The following EPN3 variants were observed in gnomAD, a reference collection of about 807,000 sequenced individuals.
EPN3 encodes epsin 3.
In EPN3, 56 loss-of-function variants were observed where a neutral mutation model predicts 55.5. The observed-to-expected ratio is 1.01, with a 90% confidence interval of 0.81 to 1.26. The LOEUF (loss-of-function observed/expected upper bound fraction) is 1.26. Ranked by LOEUF, EPN3 falls within the 50% of genes most tolerant of loss-of-function variation. The probability of loss-of-function intolerance (pLI) is 0.00; values close to 1 mark genes in which losing one functional copy is unlikely to be tolerated. For synonymous variants in EPN3, 449 were observed against 375.2 expected (o/e 1.20, Z -2.27); for missense variants, 927 against 853.4 (o/e 1.09, Z -1.07).
At chr17:50,539,128 G>C in intron 4 of EPN3, 59 bp from the exon 5 acceptor site, 2 of 1,604,552 alleles carry the variant, frequency 1.2e-6, no homozygotes, top group Non-Finnish European at 1.7e-6. Context: ...CTGGTGCACA[G>C]GTCCCCGGAT....
rs4794159 is a variant in EPN3, at chr17:50,541,888, C to A, written c.1630C>A (p.Pro544Thr). Residue 544 changes from proline (P) to threonine (T), a missense_variant, in exon 10 of 10, where the codon CCG becomes ACG. By Grantham distance (38) the Pro-to-Thr change is conservative. Transcript: ENST00000268933. The part of the protein sequence containing the change: ...SPTNPFGAGE[P>T]GRPTLNQMRT... Reference sequence around the variant, plus strand: ...CACCAACCCGTTCGGCGCGGGCGAGCCGGGCAGGCCGACGCTAAACCAGAT... The same window carrying A: ...CACCAACCCGTTCGGCGCGGGCGAGACGGGCAGGCCGACGCTAAACCAGAT... The A allele has an allele frequency of 0.44, 707,662 of 1,606,230 alleles. 161,518 individuals carry two copies. Among genetic ancestry groups the A allele is most frequent in the Middle Eastern group, 0.56 (3,423 of 6,060 alleles).
intron 5 of EPN3, among the ~76,000 whole-genome samples, chr17:50,539,516 G>A (rs568373504): frequency 3.3e-5 from 5 of 152,200 alleles, no homozygotes; most frequent in South Asian, 2.1e-4. Flanking sequence ...GATGCAAAAG[G>A]TTCCTGATTG....
intron 3 of EPN3, chr17:50,538,617 G>T: frequency 2.3e-6 from 1 of 437,114 alleles, no homozygotes. Context: ...AGACCAGGCA[G>T]GAAGCAGCTG....
rs753340275 is a variant in EPN3 at position 50,540,230 on chromosome 17, G to C, written c.892-17G>C. On this transcript the variant is annotated splice_polypyrimidine_tract_variant and intron_variant, in intron 5 of 9. Coordinates refer to ENST00000268933, the MANE Select transcript of EPN3 (RefSeq NM_017957.3). ...CCCCGCCCACTTCTGAGCCGCGGCT[G>C]CCTCTCCCCTCCACAGTCCTCCATC... The C allele has an allele frequency of 1.2e-6, 2 of 1,609,194 alleles. No homozygotes were observed. Among genetic ancestry groups the C allele is most frequent in the East Asian group, 2.2e-5 (1 of 44,838 alleles).
chr17:50,538,893 C>T lies in EPN3; in HGVS notation c.691C>T (p.Pro231Ser). 1.9e-6 allele frequency: 3 copies of T among 1,605,476 alleles called. No individual in the cohort carries two copies. The highest frequency in any genetic ancestry group is 2.6e-6 in the Non-Finnish European group (3 of 1,174,842). Reference sequence around the variant, plus strand: ...CTCTCTTCCTCCGCAGCCTGTCCCCCCAGCCTCCCACAGGGACGAGGACCT... The same window carrying T: ...CTCTCTTCCTCCGCAGCCTGTCCCCTCAGCCTCCCACAGGGACGAGGACCT... The part of the protein sequence containing the change: ...SREEAEKPVP[P>S]ASHRDEDLQL... The change falls in exon 4 of 10, where the codon CCA becomes TCA. Residue 231 changes from proline to serine, a missense_variant. By Grantham distance (74) the Pro-to-Ser change is moderately conservative (BLOSUM62 -1). Coordinates refer to ENST00000268933, the MANE Select transcript of EPN3 (RefSeq NM_017957.3).
chr17:50,540,150 T>TA lies in EPN3; in HGVS notation c.892-94dup, dbSNP rs1048166810. 70 of 867,242 alleles carry TA rather than the reference T, an allele frequency of 8.1e-5. 1 individual carries two copies. The African/African-American group carries it at 1.1e-3, about 14-fold the overall frequency. 53.7% of individuals were successfully genotyped at this position (867,242 alleles called of 1,614,324 possible). A position where few individuals can be genotyped will look rare whatever the true frequency, so the allele number is the denominator to read the frequency against. ...CATGAATAGGTATCTGTGGAATGAA[T>TA]AAAGAGAATGAACTGGCATTAGCCT... On this transcript the variant is annotated intron_variant, in intron 5 of 9. Coordinates refer to ENST00000268933, the MANE Select transcript of EPN3 (RefSeq NM_017957.3).
At position 50,541,852 on chromosome 17, in the gene EPN3, G is replaced by A. The variant is rs1444969173; in HGVS notation, c.1594G>A (p.Ala532Thr). 6.2e-7 allele frequency: 1 copy of A among 1,609,964 alleles called. No individual in the cohort carries two copies. Among genetic ancestry groups the A allele is most frequent in the Non-Finnish European group, 8.5e-7 (1 of 1,180,000 alleles). ...CCACTCTCGTTCTGCAGGTCTCAGC[G>A]CTCCGTCCCCCACCAACCCGTTCGG... ...TRNPFLTGLSAPSPTNPFGAG... is the reference protein window; with the variant it reads ...TRNPFLTGLSTPSPTNPFGAG... The change falls in exon 10 of 10, where the codon GCT (alanine) becomes ACT (threonine). Residue 532 changes from alanine (A) to threonine (T), a missense_variant. Ala to Thr is a moderately conservative substitution (Grantham distance 58). Transcript: ENST00000268933.
chr17:50,542,051 T>G lies in EPN3; in HGVS notation c.1793T>G (p.Val598Gly), dbSNP rs2034857308. ...AGLTLPASVS[V>G]FPQAGAFAPQ... is the part of the protein sequence containing the mutation. Reference sequence around the variant, plus strand: ...TTGACCCTCCCCGCCTCGGTTAGCGTCTTCCCGCAGGCCGGAGCCTTCGCA... The same window carrying G: ...TTGACCCTCCCCGCCTCGGTTAGCGGCTTCCCGCAGGCCGGAGCCTTCGCA... The change falls in exon 10 of 10, where the codon GTC becomes GGC. Residue 598 changes from valine to glycine, a missense_variant. By Grantham distance (109) the Val-to-Gly change is moderately radical (BLOSUM62 -3). Transcript: ENST00000268933. 6.3e-7 allele frequency: 1 copy of G among 1,593,856 alleles called. No individual in the cohort carries two copies. Among genetic ancestry groups the G allele is most frequent in the East Asian group, 2.3e-5 (1 of 44,308 alleles).
At chr17:50,535,357 C>G (rs369475704) in intron 1 of EPN3, among the ~76,000 whole-genome samples, 1 of 152,212 alleles carries the variant, frequency 6.6e-6, no homozygotes, top group African/African-American at 2.4e-5. Flanking sequence ...CTGCCACTTA[C>G]GTGCCATATG....
At chr17:50,539,342 A>T (rs1185369973) in intron 5 of EPN3, 27 bp downstream of exon 5, 3 of 1,613,420 alleles carry the variant, frequency 1.9e-6, no homozygotes, top group Admixed American at 1.7e-5. Flanking sequence ...GGTGCTTGGG[A>T]TGGACAGGGC....
At chr17:50,540,726 CT>C in intron 6 of EPN3, 66 bp from the exon 7 acceptor site, 2 of 1,512,638 alleles carry the variant, frequency 1.3e-6, no homozygotes, top group South Asian at 2.7e-5. Flanking sequence ...GGCTGGGTAA[CT>C]GGGAAGGGCC....
chr17:50,535,878 T>G (rs1444874668), intron 1 of EPN3: 2 of 152,284 alleles, frequency 1.3e-5, no homozygotes, highest in African/African-American at 4.8e-5. Flanking sequence ...ACAGAGGCAG[T>G]GGCCGAGCAG....
intron 1 of EPN3, 58 bp from the exon 2 acceptor site, chr17:50,536,353 TTGGTCAGTGG>T (rs2034760202): frequency 1.5e-6 from 2 of 1,331,076 alleles, no homozygotes; most frequent in African/African-American, 3.0e-5. Flanking sequence ...CCTCATTTAG[TTGGTCAGTGG>T]CTGAGTGACC....
rs972940842 is a variant in EPN3, at chr17:50,542,567, C to T, written c.*410C>T. On this transcript the variant is annotated 3_prime_UTR_variant, in exon 10 of 10. Transcript: ENST00000268933. ...TTCCAGATGCTGCCAGGCTGTCACT[C>T]AATTCGGTCATTTCATTCATTTATC... 1.5e-5 allele frequency: 3 copies of T among 202,622 alleles called. No individual in the cohort carries two copies. Among genetic ancestry groups the T allele is most frequent in the African/African-American group, 7.1e-5 (3 of 42,402 alleles). The allele number at this position is 202,622 out of a possible 1,614,324, so 12.6% of individuals were successfully genotyped here.
In EPN3 at chr17:50,543,440, C is replaced by G. The variant is rs2034874493; in HGVS notation, c.*1283C>G. Reference sequence around the variant, plus strand: ...TCCCTGATCACTGGACCACTGGACACTGATGTGTCCTCAGTGCTTGGGGTC... The same window carrying G: ...TCCCTGATCACTGGACCACTGGACAGTGATGTGTCCTCAGTGCTTGGGGTC... On this transcript the variant is annotated 3_prime_UTR_variant, in exon 10 of 10. Transcript: ENST00000268933. 6.6e-6 allele frequency: 1 copy of G among 152,296 alleles called. No homozygotes were observed. The highest frequency in any genetic ancestry group is 1.5e-5 in the Non-Finnish European group (1 of 68,072). The allele number at this position is 152,296 out of a possible 1,614,324, so 9.4% of individuals were successfully genotyped here. A position where few individuals can be genotyped will look rare whatever the true frequency, so the allele number is the denominator to read the frequency against.
rs2034727459 is a variant in EPN3 at position 50,534,358 on chromosome 17, A to G, written c.-137+1373A>G. 3.1e-6 allele frequency: 3 copies of G among 967,456 alleles called. No individual in the cohort carries two copies. In the African/African-American group the frequency reaches 5.3e-5, roughly 17 times the overall value. 59.9% of individuals were successfully genotyped at this position (967,456 alleles called of 1,614,324 possible). On this transcript the variant is annotated intron_variant, in intron 1 of 9. Coordinates refer to ENST00000268933, the MANE Select transcript of EPN3 (RefSeq NM_017957.3). ...TCCCCTCCCAGAGGCTGGTGCCCCCACACAGGCCAGGCCGGAGGGCCAGGG... is the reference window on the plus strand; with the variant it reads ...TCCCCTCCCAGAGGCTGGTGCCCCCGCACAGGCCAGGCCGGAGGGCCAGGG...
rs765356580 is a variant in EPN3, at chr17:50,536,466, C to T, written c.-91C>T. On this transcript the variant is annotated 5_prime_UTR_variant, in exon 2 of 10. Coordinates refer to ENST00000268933, the MANE Select transcript of EPN3 (RefSeq NM_017957.3). The stretch of plus-strand genomic sequence containing the variant: ...TGCAGCTGCTCTGCTAACACGGCAG[C>T]CCATCCTTCAAGACTGTGACCTCGC... The T allele has an allele frequency of 6.3e-6, 10 of 1,578,822 alleles. No homozygotes were observed. The highest frequency in any genetic ancestry group is 8.5e-6 in the Non-Finnish European group (10 of 1,170,416).
At chr17:50,534,645 G>C (rs198531) in intron 1 of EPN3, 15 of 985,330 alleles carry the variant, frequency 1.5e-5, no homozygotes, top group Non-Finnish European at 1.8e-5. Context: ...AGAGATAGCA[G>C]ACAAAAGGTA....
intron 5 of EPN3, 35 bp downstream of exon 5, chr17:50,539,350 G>A (rs928453136): frequency 1.9e-6 from 3 of 1,612,678 alleles, no homozygotes; most frequent in African/African-American, 2.7e-5. Context: ...GGATGGACAG[G>A]GCCTAAGAGA....
Sources: gnomAD v4.1 joint callset for allele counts (sites outside exome capture counted in the v4.1 genomes callset) on GRCh38, gnomAD v4.1.1 for gene constraint, MANE v1.5 for transcripts, NCBI Gene and HGNC (gene_info 2026-07-23, HGNC 2026-07-21) for gene names.